Variants in JAM2 observed in about 807,000 individuals in gnomAD.
The protein encoded by JAM2 is junctional adhesion molecule B.
Under a neutral mutation model 42.0 loss-of-function variants are expected in JAM2, and 17 were observed. The observed-to-expected ratio is 0.40, with a 90% CI of 0.28 to 0.61. The LOEUF (loss-of-function observed/expected upper bound fraction) is 0.61, where lower values mean the gene tolerates loss of function less well. JAM2 is among the 20% of genes least tolerant of loss of function. The probability of loss-of-function intolerance (pLI) is 0.37; values close to 1 mark genes in which losing one functional copy is unlikely to be tolerated. For synonymous variants in JAM2, 118 were observed against 128.6 expected (o/e 0.92, Z 0.56); for missense variants, 319 against 358.3 (o/e 0.89, Z 0.89).
chr21:25,670,131 A>G (rs1267877288), intron 1 of JAM2, among the ~76,000 whole-genome samples: 2 of 152,200 alleles, frequency 1.3e-5, no homozygotes, highest in South Asian at 2.1e-4. Flanking sequence ...TTTGCCTACC[A>G]TATCTGGACA....
At chr21:25,687,656 C>T (rs1367022509) in intron 2 of JAM2, among the ~76,000 whole-genome samples, 1 of 152,172 alleles carries the variant, frequency 6.6e-6, no homozygotes, top group Non-Finnish European at 1.5e-5. Flanking sequence ...AATTTATTCT[C>T]TCATGGTTCT....
At position 25,705,903 on chromosome 21, in the gene JAM2, G is replaced by A. The variant is rs181853655; in HGVS notation, c.698-76G>A. On this transcript the variant is annotated intron_variant, in intron 6 of 9. Coordinates refer to ENST00000480456, the MANE Select transcript of JAM2 (RefSeq NM_021219.4). ...ATAGCTGCAAAGGGGATCTTTTTTT[G>A]AACCTTTTCAATTTAATGACTGCAT... 19 of 1,022,150 alleles carry A rather than the reference G, an allele frequency of 1.9e-5. No homozygotes were observed. The East Asian group carries it at 3.6e-4, about 19-fold the overall frequency. 63.3% of individuals were successfully genotyped at this position (1,022,150 alleles called of 1,614,324 possible).
At chr21:25,690,431 T>G (rs1327594966) in intron 3 of JAM2, among the ~76,000 whole-genome samples, 1 of 152,076 alleles carries the variant, frequency 6.6e-6, no homozygotes, top group East Asian at 1.9e-4. Flanking sequence ...AGGGCTCAAG[T>G]TATCCTCCCA....
At position 25,693,757 on chromosome 21, in the gene JAM2, T is replaced by A; in HGVS notation, c.243T>A (p.Gly81=). 6.2e-7 allele frequency: 1 copy of A among 1,612,632 alleles called. No homozygotes were observed. The highest frequency in any genetic ancestry group is 8.5e-7 in the Non-Finnish European group (1 of 1,178,696). The change falls in exon 4 of 10, where the codon GGT becomes GGA. Residue 81 remains glycine, a splice_region_variant and synonymous_variant. Transcript: ENST00000480456. ...ATCAATGTCTTCTTTTTCTAAAAGG[T>A]GATTTTAAAAATCGAGCTGAGATGA... ...SFVYYQQTLQ[G]DFKNRAEMID...
intron 1 of JAM2, among the ~76,000 whole-genome samples, chr21:25,656,296 C>T (rs966612107): frequency 1.3e-5 from 2 of 152,114 alleles, no homozygotes; most frequent in Non-Finnish European, 2.9e-5. Flanking sequence ...TCCTTCTAAA[C>T]AAGTAAAGAG....
chr21:25,674,647 A>G (rs574351650), intron 1 of JAM2, among the ~76,000 whole-genome samples: 1 of 152,074 alleles, frequency 6.6e-6, no homozygotes, highest in East Asian at 1.9e-4. Flanking sequence ...TTCTCCTTGC[A>G]TTTTGGTGTG....
intron 6 of JAM2, among the ~76,000 whole-genome samples, chr21:25,705,604 G>T (rs923413304): frequency 6.6e-5 from 10 of 152,124 alleles, no homozygotes; most frequent in African/African-American, 2.4e-4. Flanking sequence ...TGATGTAGGA[G>T]AATTTTAAGT....
chr21:25,706,416 A>G (rs548161641), intron 7 of JAM2, among the ~76,000 whole-genome samples: 1 of 152,130 alleles, frequency 6.6e-6, no homozygotes, highest in Non-Finnish European at 1.5e-5. Context: ...TCCTGGCCTC[A>G]AGTGATCTGC....
chr21:25,717,079 T>C lies in JAM2; in HGVS notation c.*2407T>C, dbSNP rs1259686536. On this transcript the variant is annotated 3_prime_UTR_variant, in exon 10 of 10. Transcript: ENST00000480456. Reference sequence around the variant, plus strand: ...CATTTTATGCAGTGCGAACATCTAATAACACTCTCTGTGTCAAATATATAT... The same window carrying C: ...CATTTTATGCAGTGCGAACATCTAACAACACTCTCTGTGTCAAATATATAT... 1 of 152,280 alleles carries C rather than the reference T, an allele frequency of 6.6e-6. No homozygotes were observed. The highest frequency in any genetic ancestry group is 1.5e-5 in the Non-Finnish European group (1 of 68,068). The allele number at this position is 152,280 out of a possible 1,614,324, so 9.4% of individuals were successfully genotyped here.
At chr21:25,690,364 T>G (rs1055106473) in intron 3 of JAM2, among the ~76,000 whole-genome samples, 24 of 152,014 alleles carry the variant, frequency 1.6e-4, no homozygotes. Flanking sequence ...GATTTTGTTC[T>G]CTTGCCCAGT....
Position 25,646,117 on chromosome 21 carries a change from C to T in JAM2, c.67+6229C>T, listed in dbSNP as rs902393704. 5.3e-5 allele frequency among the ~76,000 whole-genome samples: 8 copies of T among 152,216 alleles called. No homozygotes were observed. The East Asian group carries it at 5.8e-4, about 11-fold the overall frequency. Reference sequence around the variant, plus strand: ...ATAAAGTTCTTGTGTTACAGCAGTACGGGCGTTATAGCATCACTAGATGAT... The same window carrying T: ...ATAAAGTTCTTGTGTTACAGCAGTATGGGCGTTATAGCATCACTAGATGAT... On this transcript the variant is annotated intron_variant, in intron 1 of 9. Transcript: ENST00000480456.
At chr21:25,710,575 A>G (rs1222521674) in intron 8 of JAM2, among the ~76,000 whole-genome samples, 1 of 152,206 alleles carries the variant, frequency 6.6e-6, no homozygotes, top group Non-Finnish European at 1.5e-5. Context: ...CCATGAGAAG[A>G]GCGTTCAGGC....
At chr21:25,692,396 A>G in intron 3 of JAM2, 2 of 200,630 alleles carry the variant, frequency 1.0e-5, no homozygotes, top group Non-Finnish European at 2.2e-5. Flanking sequence ...AATCACTGAC[A>G]AGGAGATTGA....
At chr21:25,686,507 A>G (rs566871410) in intron 2 of JAM2, among the ~76,000 whole-genome samples, 1 of 152,356 alleles carries the variant, frequency 6.6e-6, no homozygotes, top group Admixed American at 6.5e-5. Context: ...TGAGGTCAAG[A>G]AATTATGAAT....
chr21:25,715,135 C>A lies in JAM2; in HGVS notation c.*463C>A, dbSNP rs2123425839. 6.5e-6 allele frequency: 1 copy of A among 152,792 alleles called. No homozygotes were observed. Among genetic ancestry groups the A allele is most frequent in the Admixed American group, 6.5e-5 (1 of 15,316 alleles). The allele number at this position is 152,792 out of a possible 1,614,324, so 9.5% of individuals were successfully genotyped here. Reference sequence around the variant, plus strand: ...AGAATCCTCTTTTCTCCCCTAATATCATCCTTATTCTGATGCTCGTTCATC... The same window carrying A: ...AGAATCCTCTTTTCTCCCCTAATATAATCCTTATTCTGATGCTCGTTCATC... On this transcript the variant is annotated 3_prime_UTR_variant, in exon 10 of 10. Coordinates refer to ENST00000480456, the MANE Select transcript of JAM2 (RefSeq NM_021219.4).
intron 4 of JAM2, among the ~76,000 whole-genome samples, chr21:25,696,390 C>T (rs958380040): frequency 6.6e-5 from 10 of 151,994 alleles, no homozygotes; most frequent in Non-Finnish European, 1.5e-4. Context: ...GAGACGGAGA[C>T]AGAGAGGGAG....
chr21:25,681,877 A>G (rs966086191), intron 1 of JAM2, among the ~76,000 whole-genome samples: 17 of 152,038 alleles, frequency 1.1e-4, no homozygotes, highest in Non-Finnish European at 2.5e-4. Context: ...AGCTACTCCC[A>G]AGGCTGAGGC....
At chr21:25,697,304 C>A (rs915717047) in intron 4 of JAM2, among the ~76,000 whole-genome samples, 1 of 152,100 alleles carries the variant, frequency 6.6e-6, no homozygotes, top group East Asian at 1.9e-4. Flanking sequence ...CAAAATCTTT[C>A]TACTACAGTA....
At chr21:25,711,191 T>C (rs1601070017) in intron 8 of JAM2, among the ~76,000 whole-genome samples, 1 of 152,190 alleles carries the variant, frequency 6.6e-6, no homozygotes, top group African/African-American at 2.4e-5. Context: ...ATATTTGATA[T>C]GCTTATTTGA....
Sources: allele counts gnomAD v4.1 joint callset (sites outside exome capture counted in the v4.1 genomes callset), GRCh38; gene constraint gnomAD v4.1.1; transcripts MANE v1.5; gene names NCBI Gene and HGNC (gene_info 2026-07-23, HGNC 2026-07-21).